BNIP3L: variants seen among roughly 807,000 people sequenced by gnomAD.
BNIP3L encodes BCL2/adenovirus E1B 19 kDa protein-interacting protein 3-like.
In BNIP3L, 10 loss-of-function variants were observed where a neutral mutation model predicts 25.5. The ratio of observed to expected loss-of-function variants is 0.39; its 90% CI spans 0.24 to 0.67. BNIP3L has a LOEUF of 0.67. BNIP3L is among the 30% of genes least tolerant of loss of function. The pLI is 0.45. For missense variants in BNIP3L, 215 were observed against 270.9 expected, an observed-to-expected ratio of 0.79 and a Z score of 1.45; for synonymous variants, 113 against 101.2, an observed-to-expected ratio of 1.12 and a Z score of -0.70.
chr8:26,395,300 C>T lies in BNIP3L; in HGVS notation c.355C>T (p.Gln119Ter), dbSNP rs1806208985. 1 of 1,613,654 alleles carries T rather than the reference C, an allele frequency of 6.2e-7. No homozygotes were observed. Among genetic ancestry groups the T allele is most frequent in the African/African-American group, 1.3e-5 (1 of 74,898 alleles). ...EMHTSRDHSS[Q>*]SEEEVVEGEK... ...GCACACCAGCAGGGACCATAGCTCT[C>T]AGGTGTGTCGGGGGGATTCTGATTT... is the stretch of plus-strand genomic sequence containing the variant. Residue 119 changes from glutamine to a stop codon, truncating the protein, a stop_gained and splice_region_variant, in exon 3 of 6, where the codon CAG becomes TAG. Transcript: ENST00000380629. LOFTEE classifies it high-confidence loss of function.
intron 1 of BNIP3L, among the ~76,000 whole-genome samples, chr8:26,387,415 G>C (rs1382643048): frequency 6.6e-6 from 1 of 152,208 alleles, no homozygotes; most frequent in African/African-American, 2.4e-5. Flanking sequence ...TTTCAAGCTT[G>C]ATCATTAGGA....
chr8:26,408,227 G>T lies in BNIP3L; in HGVS notation c.462G>T (p.Lys154Asn). ...ATCTGCCTCTGAATTTCTTTCTCAG[G>T]GAGTTCCACTTCAGACACCCTAAAC... ...WSSRPENIPP[K>N]EFHFRHPKRS... The change falls in exon 5 of 6, where the codon AAG (lysine) becomes AAT (asparagine). Residue 154 changes from lysine to asparagine, a missense_variant and splice_region_variant. Physicochemically the swap from Lys to Asn is moderately conservative, Grantham distance 94. Coordinates refer to ENST00000380629, the MANE Select transcript of BNIP3L (RefSeq NM_004331.3). 6.2e-7 allele frequency: 1 copy of T among 1,613,210 alleles called. No homozygotes were observed. Among genetic ancestry groups the T allele is most frequent in the South Asian group, 1.1e-5 (1 of 91,036 alleles).
At chr8:26,407,949 A>G in intron 3 of BNIP3L, 51 bp from the exon 4 acceptor site, 1 of 1,516,994 alleles carries the variant, frequency 6.6e-7, no homozygotes. Context: ...TCTTTGTATT[A>G]GGAGGAATTG....
chr8:26,383,056 A>C lies in BNIP3L; in HGVS notation c.-75A>C, dbSNP rs1243011454. Reference sequence around the variant, plus strand: ...GCAGGCGCAGAAAAGGGGGCGGCGGACTCGGCTTGTTGTGTTGCTGCCTGA... The same window carrying C: ...GCAGGCGCAGAAAAGGGGGCGGCGGCCTCGGCTTGTTGTGTTGCTGCCTGA... On this transcript the variant is annotated 5_prime_UTR_variant, in exon 1 of 6. Coordinates refer to ENST00000380629, the MANE Select transcript of BNIP3L (RefSeq NM_004331.3). 7.2e-7 allele frequency: 1 copy of C among 1,384,596 alleles called. No individual in the cohort carries two copies. The highest frequency in any genetic ancestry group is 1.4e-5 in the African/African-American group (1 of 69,286). The allele number at this position is 1,384,596 out of a possible 1,614,324, so 85.8% of individuals were successfully genotyped here. A position where few individuals can be genotyped will look rare whatever the true frequency, so the allele number is the denominator to read the frequency against.
At chr8:26,407,973 T>C in intron 3 of BNIP3L, 27 bp from the exon 4 acceptor site, 1 of 1,603,978 alleles carries the variant, frequency 6.2e-7, no homozygotes, top group Non-Finnish European at 8.5e-7. Context: ...TTCCTTTTTT[T>C]CTTAAAGTTT....
At chr8:26,393,137 T>C (rs951765925) in intron 2 of BNIP3L, among the ~76,000 whole-genome samples, 9 of 151,898 alleles carry the variant, frequency 5.9e-5, no homozygotes, top group African/African-American at 2.4e-5. Context: ...CGCTTTACCA[T>C]TGAGGAGTGT....
chr8:26,387,323 A>C (rs992652884), intron 1 of BNIP3L, among the ~76,000 whole-genome samples: 1 of 152,212 alleles, frequency 6.6e-6, no homozygotes. Flanking sequence ...ATGTCATTGT[A>C]TGTTATGTAC....
chr8:26,403,321 T>C (rs1184596900), intron 3 of BNIP3L, among the ~76,000 whole-genome samples: 3 of 152,146 alleles, frequency 2.0e-5, no homozygotes, highest in Non-Finnish European at 4.4e-5. Context: ...TTAATTTCTT[T>C]AGGATTTGGG....
chr8:26,383,476 C>T (rs1805903902), intron 1 of BNIP3L: 2 of 1,168,238 alleles, frequency 1.7e-6, no homozygotes, highest in Non-Finnish European at 2.1e-6. Context: ...GGGAGCGGCG[C>T]GGGTAGCGCG....
At chr8:26,387,440 G>T (rs1407070777) in intron 1 of BNIP3L, among the ~76,000 whole-genome samples, 1 of 152,194 alleles carries the variant, frequency 6.6e-6, no homozygotes, top group Non-Finnish European at 1.5e-5. Context: ...AATTCACTCT[G>T]TGGTTGTTTT....
chr8:26,409,936 A>G (rs1806584437), intron 5 of BNIP3L, among the ~76,000 whole-genome samples: 1 of 90,110 alleles, frequency 1.1e-5, no homozygotes, highest in South Asian at 3.5e-4. Context: ...GGCAGCTTTT[A>G]AGGTTTTTTT....
chr8:26,385,255 G>A (rs1805967814), intron 1 of BNIP3L, among the ~76,000 whole-genome samples: 1 of 152,108 alleles, frequency 6.6e-6, no homozygotes, highest in Non-Finnish European at 1.5e-5. Context: ...TTCACTGAAA[G>A]CAAAGGGATT....
intron 1 of BNIP3L, among the ~76,000 whole-genome samples, chr8:26,390,704 G>A (rs1031964561): frequency 1.3e-5 from 2 of 152,120 alleles, no homozygotes; most frequent in Non-Finnish European, 2.9e-5. Context: ...TTTGCTATTG[G>A]ATTTAGGTTC....
chr8:26,387,256 C>T (rs968629041), intron 1 of BNIP3L, among the ~76,000 whole-genome samples: 4 of 152,186 alleles, frequency 2.6e-5, no homozygotes, highest in African/African-American at 9.7e-5. Flanking sequence ...GAAGCATTCA[C>T]AGAAGTTTCT....
At chr8:26,391,547 G>A in intron 2 of BNIP3L, 121 bp downstream of exon 2, 12 of 795,748 alleles carry the variant, frequency 1.5e-5, no homozygotes, top group Non-Finnish European at 2.2e-5. Context: ...CTGATATATT[G>A]TAGTATAATA....
chr8:26,400,579 C>G (rs968260428), intron 3 of BNIP3L, among the ~76,000 whole-genome samples: 2 of 142,252 alleles, frequency 1.4e-5, no homozygotes, highest in Non-Finnish European at 3.0e-5. Flanking sequence ...TCTAATTAAA[C>G]TAAAGAGCTT....
At chr8:26,398,940 A>G (rs1806308665) in intron 3 of BNIP3L, among the ~76,000 whole-genome samples, 1 of 151,358 alleles carries the variant, frequency 6.6e-6, no homozygotes, top group African/African-American at 2.4e-5. Flanking sequence ...TTACCAACCA[A>G]GAAGAGTCCA....
At chr8:26,393,865 T>C (rs1240160818) in intron 2 of BNIP3L, among the ~76,000 whole-genome samples, 2 of 152,202 alleles carry the variant, frequency 1.3e-5, no homozygotes, top group Non-Finnish European at 2.9e-5. Flanking sequence ...TCTGTTTTCC[T>C]GTCCCCATTT....
intron 1 of BNIP3L, among the ~76,000 whole-genome samples, chr8:26,389,179 T>G (rs1285878412): frequency 6.6e-6 from 1 of 152,164 alleles, no homozygotes; most frequent in Non-Finnish European, 1.5e-5. Context: ...TTTGTTACTA[T>G]TGTACACATT....
Sources: allele counts gnomAD v4.1 joint callset (sites outside exome capture counted in the v4.1 genomes callset), GRCh38; gene constraint gnomAD v4.1.1; transcripts MANE v1.5; gene names NCBI Gene and HGNC (gene_info 2026-07-23, HGNC 2026-07-21).